TFEC: variants seen among roughly 807,000 people sequenced by gnomAD.
The protein encoded by TFEC is class E basic helix-loop-helix protein 34.
TFEC carries 31 observed loss-of-function variants against 41.6 expected under a neutral mutation model. That is an observed-to-expected ratio of 0.74 (90% CI 0.56 to 1.01). The LOEUF (loss-of-function observed/expected upper bound fraction) is 1.01, where lower values mean the gene tolerates loss of function less well. Among genes scored for constraint, TFEC ranks in the 50% least tolerant of loss-of-function variants. The pLI, the probability that TFEC is intolerant of heterozygous loss-of-function variation, is 0.00. For missense variants in TFEC, 402 were observed against 404.1 expected, an observed-to-expected ratio of 0.99 and a Z score of 0.04; for synonymous variants, 143 against 140.6, an observed-to-expected ratio of 1.02 and a Z score of -0.12.
chr7:116,058,920 T>C (rs1453049820), intron 3 of TFEC, among the ~76,000 whole-genome samples: 1 of 151,744 alleles, frequency 6.6e-6, no homozygotes, highest in Non-Finnish European at 1.5e-5. Flanking sequence ...TAGTACTAAA[T>C]GCCTGTATTT....
Position 115,937,933 on chromosome 7 carries a change from G to A in TFEC, c.*2618C>T, listed in dbSNP as rs1306686535. The A allele has an allele frequency of 6.6e-6, 1 of 151,846 alleles. No homozygotes were observed. The allele number at this position is 151,846 out of a possible 1,614,324, so 9.4% of individuals were successfully genotyped here. On this transcript the variant is annotated 3_prime_UTR_variant, in exon 8 of 8. Coordinates refer to ENST00000265440, the MANE Select transcript of TFEC (RefSeq NM_012252.4). ...ATTCTCAAGGTATCTGCCTTAAAAA[G>A]TTAAGAACTACCATCTAATTAATTT... is the stretch of plus-strand genomic sequence containing the variant.
chr7:116,127,691 CAAAA>C (rs72053152), intron 1 of TFEC, among the ~76,000 whole-genome samples: 4 of 105,106 alleles, frequency 3.8e-5, no homozygotes, highest in African/African-American at 3.3e-5. Flanking sequence ...GAGTCAGTGT[CAAAA>C]AAAAAAAAAA....
Position 115,940,781 on chromosome 7 carries a change from T to C in TFEC, c.814A>G (p.Ser272Gly). Reference sequence around the variant, plus strand: ...ATAGCTTGATCACAGAGCTCAGGGCTTGGCCCCTGAGACACAGTCAGTTGT... The same window carrying C: ...ATAGCTTGATCACAGAGCTCAGGGCCTGGCCCCTGAGACACAGTCAGTTGT... ...CQQLTVSQGP[S>G]PELCDQAIAF... Residue 272 changes from serine (S) to glycine (G), a missense_variant, in exon 8 of 8, where the codon AGC becomes GGC. Coordinates refer to ENST00000265440, the MANE Select transcript of TFEC (RefSeq NM_012252.4). 2 of 1,613,538 alleles carry C rather than the reference T, an allele frequency of 1.2e-6. No homozygotes were observed. Among genetic ancestry groups the C allele is most frequent in the South Asian group, 1.1e-5 (1 of 91,066 alleles).
intron 1 of TFEC, among the ~76,000 whole-genome samples, chr7:116,012,533 C>G (rs544076777): frequency 1.3e-5 from 2 of 151,988 alleles, no homozygotes; most frequent in Non-Finnish European, 2.9e-5. Context: ...CATCAATGCA[C>G]TTTTTAAAAA....
intron 3 of TFEC, among the ~76,000 whole-genome samples, chr7:116,066,452 T>C (rs958335666): frequency 1.3e-5 from 2 of 152,030 alleles, no homozygotes; most frequent in African/African-American, 4.8e-5. Flanking sequence ...GGAGATGAAA[T>C]AGGGAGTCAT....
chr7:116,036,397 C>T (rs972766880), intron 3 of TFEC, among the ~76,000 whole-genome samples: 1 of 152,034 alleles, frequency 6.6e-6, no homozygotes, highest in Non-Finnish European at 1.5e-5. Flanking sequence ...TCATATCATG[C>T]AGAAAGCAGC....
At chr7:116,081,450 T>G (rs1366398223) in intron 3 of TFEC, among the ~76,000 whole-genome samples, 1 of 152,066 alleles carries the variant, frequency 6.6e-6, no homozygotes, top group African/African-American at 2.4e-5. Context: ...CTCTGCAATC[T>G]ATCTCAGCAA....
intron 3 of TFEC, among the ~76,000 whole-genome samples, chr7:116,035,831 G>A (rs1795896458): frequency 6.6e-6 from 1 of 151,764 alleles, no homozygotes; most frequent in African/African-American, 2.4e-5. Context: ...GAGAGAAAGA[G>A]AATGGAAAAG....
intron 1 of TFEC, among the ~76,000 whole-genome samples, chr7:116,150,513 T>TA (rs1228601046): frequency 6.6e-5 from 10 of 151,768 alleles, no homozygotes; most frequent in East Asian, 5.8e-4. Context: ...TCAATGGCAT[T>TA]AAAAAAAATA....
intron 3 of TFEC, among the ~76,000 whole-genome samples, chr7:116,103,635 A>G (rs1002795626): frequency 1.3e-5 from 2 of 152,146 alleles, no homozygotes; most frequent in Non-Finnish European, 2.9e-5. Context: ...TATATCTGAA[A>G]TTTCAGCCAC....
intron 3 of TFEC, among the ~76,000 whole-genome samples, chr7:115,966,927 C>T (rs910597637): frequency 6.6e-6 from 1 of 151,750 alleles, no homozygotes; most frequent in Admixed American, 6.6e-5. Context: ...GGCTAACAAA[C>T]TTGCAATACA....
At chr7:115,977,064 T>A (rs1239180435) in intron 2 of TFEC, among the ~76,000 whole-genome samples, 1 of 152,154 alleles carries the variant, frequency 6.6e-6, no homozygotes, top group Non-Finnish European at 1.5e-5. Flanking sequence ...TTTACCATTA[T>A]CTTAATGGAT....
chr7:116,137,480 G>C (rs999386947), intron 1 of TFEC, among the ~76,000 whole-genome samples: 1 of 152,092 alleles, frequency 6.6e-6, no homozygotes, highest in Non-Finnish European at 1.5e-5. Context: ...CCTTGACAGT[G>C]ACTCTCTCGT....
intron 1 of TFEC, among the ~76,000 whole-genome samples, chr7:116,013,394 A>T (rs1190787059): frequency 6.6e-6 from 1 of 152,116 alleles, no homozygotes; most frequent in African/African-American, 2.4e-5. Flanking sequence ...CACACTTTTG[A>T]TTTAAATTAT....
intron 3 of TFEC, among the ~76,000 whole-genome samples, chr7:116,100,002 A>G (rs751801046): frequency 6.6e-6 from 1 of 152,186 alleles, no homozygotes; most frequent in Non-Finnish European, 1.5e-5. Context: ...AACAGCATCA[A>G]TGTAGATGGT....
chr7:115,958,619 C>T (rs1206328222), intron 3 of TFEC, among the ~76,000 whole-genome samples: 1 of 151,806 alleles, frequency 6.6e-6, no homozygotes, highest in Non-Finnish European at 1.5e-5. Context: ...CTAACTATAG[C>T]ATTTCCTTGC....
chr7:115,946,266 T>A (rs1269537603), intron 6 of TFEC, among the ~76,000 whole-genome samples: 1 of 151,210 alleles, frequency 6.6e-6, no homozygotes. Flanking sequence ...AGACCCTAAA[T>A]GTCTTCACAA....
chr7:116,118,300 A>T (rs1251069105), intron 1 of TFEC, among the ~76,000 whole-genome samples: 1 of 151,900 alleles, frequency 6.6e-6, no homozygotes, highest in African/African-American at 2.4e-5. Context: ...TGAATTATTT[A>T]TTCCCTCCAT....
chr7:116,110,850 T>C (rs1299185337), exon 3 of TFEC: 2 of 1,544,200 alleles, frequency 1.3e-6, no homozygotes, highest in Non-Finnish European at 1.7e-6. Flanking sequence ...TCTTCTCTCC[T>C]TTTCTCCTAA....
Sources: gnomAD v4.1 joint callset for allele counts (sites outside exome capture counted in the v4.1 genomes callset) on GRCh38, gnomAD v4.1.1 for gene constraint, MANE v1.5 for transcripts, NCBI Gene and HGNC (gene_info 2026-07-23, HGNC 2026-07-21) for gene names.